Variants in THRB observed in about 807,000 individuals in gnomAD.
The protein encoded by THRB is nuclear receptor subfamily 1 group A member 2.
A neutral mutation model predicts 47.8 loss-of-function variants in THRB; 12 were observed. That is an observed-to-expected ratio of 0.25 (90% CI 0.16 to 0.41). The LOEUF (loss-of-function observed/expected upper bound fraction) is 0.41, where lower values mean the gene tolerates loss of function less well. Among genes scored for constraint, THRB ranks in the 10% least tolerant of loss-of-function variants. The pLI is 1.00. For missense variants in THRB, 348 were observed against 589.2 expected (o/e 0.59, Z 4.24); for synonymous variants, 218 against 212.2 (o/e 1.03, Z -0.24).
At chr3:24,449,158 T>C (rs1158923147) in intron 1 of THRB, among the ~76,000 whole-genome samples, 2 of 152,202 alleles carry the variant, frequency 1.3e-5, no homozygotes, top group Non-Finnish European at 2.9e-5. Context: ...GAAATGATTA[T>C]TAAAAATTCT....
chr3:24,481,059 G>A (rs946573570), intron 1 of THRB, among the ~76,000 whole-genome samples: 4 of 152,064 alleles, frequency 2.6e-5, no homozygotes, highest in East Asian at 1.9e-4. Flanking sequence ...TCTTTTTGCC[G>A]TAAGCCATTC....
chr3:24,261,080 G>A (rs1235675010), intron 3 of THRB, among the ~76,000 whole-genome samples: 1 of 108,294 alleles, frequency 9.2e-6, no homozygotes, highest in Non-Finnish European at 1.8e-5. Flanking sequence ...TTGGGAATGC[G>A]ACCCCAAGCC....
At chr3:24,305,554 A>T (rs1169506219) in intron 2 of THRB, among the ~76,000 whole-genome samples, 3 of 152,214 alleles carry the variant, frequency 2.0e-5, no homozygotes, top group Non-Finnish European at 2.9e-5. Context: ...TAATTTAGAC[A>T]TGGCCATTTG....
intron 10 of THRB, among the ~76,000 whole-genome samples, chr3:24,124,783 A>G (rs560921362): frequency 4.6e-5 from 7 of 152,346 alleles, no homozygotes; most frequent in African/African-American, 1.7e-4. Flanking sequence ...CACACAAAAC[A>G]TGGGGCTTAG....
chr3:24,292,354 A>C (rs544797770), intron 3 of THRB, among the ~76,000 whole-genome samples: 1 of 152,298 alleles, frequency 6.6e-6, no homozygotes, highest in African/African-American at 2.4e-5. Flanking sequence ...ATGCTTTTTT[A>C]AGTGCTCCAG....
intron 1 of THRB, among the ~76,000 whole-genome samples, chr3:24,394,773 A>G (rs749724800): frequency 6.6e-6 from 1 of 152,084 alleles, no homozygotes; most frequent in African/African-American, 2.4e-5. Context: ...AAGGAAGAAC[A>G]ATTCCTTTGA....
At chr3:24,339,695 T>C (rs1336174059) in intron 1 of THRB, among the ~76,000 whole-genome samples, 1 of 152,128 alleles carries the variant, frequency 6.6e-6, no homozygotes, top group Non-Finnish European at 1.5e-5. Flanking sequence ...TTCCCAGTGA[T>C]GAAGGAAATT....
intron 1 of THRB, among the ~76,000 whole-genome samples, chr3:24,485,386 G>A (rs1042565128): frequency 3.3e-5 from 5 of 152,144 alleles, no homozygotes; most frequent in Admixed American, 2.6e-4. Flanking sequence ...ACATCTCGGA[G>A]AAAGTGAAAT....
chr3:24,387,450 G>T (rs1010137489), intron 1 of THRB, among the ~76,000 whole-genome samples: 1 of 152,112 alleles, frequency 6.6e-6, no homozygotes, highest in Non-Finnish European at 1.5e-5. Context: ...TATTATAATT[G>T]TTTCTAACTA....
intron 1 of THRB, among the ~76,000 whole-genome samples, chr3:24,366,594 T>C (rs1371320267): frequency 6.6e-6 from 1 of 152,020 alleles, no homozygotes; most frequent in East Asian, 1.9e-4. Context: ...ATCCATTTTT[T>C]TTCTGTGACT....
intron 3 of THRB, among the ~76,000 whole-genome samples, chr3:24,266,111 G>C (rs1559774933): frequency 6.6e-6 from 1 of 152,180 alleles, no homozygotes; most frequent in Non-Finnish European, 1.5e-5. Flanking sequence ...TATAGAAATT[G>C]ATAGGGTTTT....
intron 4 of THRB, among the ~76,000 whole-genome samples, chr3:24,218,616 T>A (rs1303301443): frequency 6.6e-6 from 1 of 152,006 alleles, no homozygotes; most frequent in African/African-American, 2.4e-5. Context: ...TTAGTGAGTA[T>A]CTACTATGTG....
chr3:24,287,671 A>G (rs2055463115), intron 3 of THRB, among the ~76,000 whole-genome samples: 1 of 152,152 alleles, frequency 6.6e-6, no homozygotes, highest in East Asian at 1.9e-4. Context: ...GAGAATCTTT[A>G]TTATGACAGC....
chr3:24,182,747 C>T lies in THRB; in HGVS notation c.283+7327G>A, dbSNP rs527473489. Among the ~76,000 whole-genome samples the T allele has an allele frequency of 7.2e-5, 11 of 152,220 alleles. No individual in the cohort carries two copies. In the East Asian group the frequency reaches 1.5e-3, roughly 21 times the overall value. Reference sequence around the variant, plus strand: ...CTGAGGCTCAAACAAAGTGACTTGCCCAAGTTTCAATGGCTGGTAAATGGC... The same window carrying T: ...CTGAGGCTCAAACAAAGTGACTTGCTCAAGTTTCAATGGCTGGTAAATGGC... On this transcript the variant is annotated intron_variant, in intron 5 of 10. Transcript: ENST00000646209.
chr3:24,157,939 C>T (rs2038125320), intron 5 of THRB, among the ~76,000 whole-genome samples: 1 of 152,168 alleles, frequency 6.6e-6, no homozygotes, highest in African/African-American at 2.4e-5. Context: ...TCCTTAATAG[C>T]TGACATAACC....
At chr3:24,199,984 C>G (rs1428076148) in intron 4 of THRB, among the ~76,000 whole-genome samples, 1 of 152,168 alleles carries the variant, frequency 6.6e-6, no homozygotes, top group Admixed American at 6.5e-5. Flanking sequence ...AATCCTCCCC[C>G]AGGAATGGTC....
chr3:24,158,630 A>C (rs1450542244), intron 5 of THRB, among the ~76,000 whole-genome samples: 1 of 152,058 alleles, frequency 6.6e-6, no homozygotes, highest in Non-Finnish European at 1.5e-5. Flanking sequence ...GGGTTTTGTC[A>C]TGTTGGCCAG....
intron 1 of THRB, among the ~76,000 whole-genome samples, chr3:24,354,160 T>G (rs2063526167): frequency 6.6e-6 from 1 of 151,994 alleles, no homozygotes; most frequent in South Asian, 2.1e-4. Context: ...CACTTATAAG[T>G]AGGAGCTAAA....
intron 2 of THRB, among the ~76,000 whole-genome samples, chr3:24,318,017 C>A (rs1219395700): frequency 6.6e-6 from 1 of 151,946 alleles, no homozygotes; most frequent in Non-Finnish European, 1.5e-5. Flanking sequence ...TATGATGGCA[C>A]CACTGTACTC....
Sources: allele counts gnomAD v4.1 joint callset (sites outside exome capture counted in the v4.1 genomes callset), GRCh38; gene constraint gnomAD v4.1.1; transcripts MANE v1.5; gene names NCBI Gene and HGNC (gene_info 2026-07-23, HGNC 2026-07-21).